Variants in RNF145 observed in about 807,000 individuals in gnomAD.
RNF145 encodes ring finger protein 145.
In RNF145, 12 loss-of-function variants were observed where a neutral mutation model predicts 57.3. The observed-to-expected ratio is 0.21, with a 90% CI of 0.13 to 0.34. The LOEUF is 0.34. RNF145 is among the 10% of genes least tolerant of loss of function. The pLI, the probability that RNF145 is intolerant of heterozygous loss-of-function variation, is 1.00. For synonymous variants in RNF145, 262 were observed against 288.3 expected, an observed-to-expected ratio of 0.91 and a Z score of 0.92; for missense variants, 429 against 799.0, an observed-to-expected ratio of 0.54 and a Z score of 5.58.
intron 9 of RNF145, among the ~76,000 whole-genome samples, chr5:159,162,425 CTTTT>C (rs201178143): frequency 7.4e-6 from 1 of 134,574 alleles, no homozygotes. Flanking sequence ...GTAATATTTT[CTTTT>C]TTTTTTTTTT....
At chr5:159,173,791 T>G (rs1229425397) in intron 6 of RNF145, among the ~76,000 whole-genome samples, 192 bp downstream of exon 6, 1 of 152,190 alleles carries the variant, frequency 6.6e-6, no homozygotes, top group Non-Finnish European at 1.5e-5. Flanking sequence ...TGCAGCCAAA[T>G]AAACCACATT....
chr5:159,194,148 C>T (rs111561711), intron 3 of RNF145, among the ~76,000 whole-genome samples: 2 of 152,220 alleles, frequency 1.3e-5, no homozygotes, highest in African/African-American at 2.4e-5. Context: ...CAATCATTCA[C>T]TCCACATGGC....
intron 9 of RNF145, among the ~76,000 whole-genome samples, chr5:159,162,344 C>T (rs763832593): frequency 5.0e-4 from 76 of 151,844 alleles, no homozygotes; most frequent in Non-Finnish European, 8.4e-4. Flanking sequence ...CTGTATCATA[C>T]CATTTTGAAA....
intron 5 of RNF145, 53 bp downstream of exon 5, chr5:159,176,579 T>G (rs1784727404): frequency 9.6e-7 from 1 of 1,044,612 alleles, no homozygotes. Context: ...TTTAATGTAC[T>G]TAACATTTAT....
At position 159,158,905 on chromosome 5, in the gene RNF145, C is replaced by T. The variant is rs746423990; in HGVS notation, c.1757G>A (p.Gly586Glu). ...CHLKNSSQLP[G>E]LGTEPVLQPH... The stretch of plus-strand genomic sequence containing the variant: ...CTGTAGAACTGGCTCAGTTCCTAAT[C>T]CTGGAAGCTGGGAGGAGTTTTTCAG... Residue 586 changes from glycine (G) to glutamate (E), a missense_variant, in exon 11 of 11, where the codon GGA (glycine) becomes GAA (glutamate). Around this residue, in one of 4 missense-constraint regions of RNF145, gnomAD observed 102 missense variants for 106.2 expected, o/e 0.96. Transcript: ENST00000424310. 1 of 1,613,888 alleles carries T rather than the reference C, an allele frequency of 6.2e-7. No homozygotes were observed. The highest frequency in any genetic ancestry group is 8.5e-7 in the Non-Finnish European group (1 of 1,179,866).
intron 3 of RNF145, among the ~76,000 whole-genome samples, chr5:159,187,501 G>T (rs1584693097): frequency 6.6e-6 from 1 of 151,736 alleles, no homozygotes; most frequent in South Asian, 2.1e-4. Flanking sequence ...CTAATTTTTT[G>T]TATTTTTAGT....
chr5:159,209,028 G>C (rs1786008307), intron 1 of RNF145, among the ~76,000 whole-genome samples: 1 of 151,644 alleles, frequency 6.6e-6, no homozygotes, highest in African/African-American at 2.4e-5. Context: ...CTAGAGGATG[G>C]GAGGGAGGGG....
chr5:159,202,937 A>AT (rs1327885039), intron 2 of RNF145, among the ~76,000 whole-genome samples: 19 of 151,896 alleles, frequency 1.3e-4, no homozygotes, highest in African/African-American at 4.3e-4. Context: ...AAAAAAAATT[A>AT]TAGTTCCAGG....
intron 3 of RNF145, among the ~76,000 whole-genome samples, chr5:159,193,640 C>T (rs928110804): frequency 1.3e-5 from 2 of 152,016 alleles, no homozygotes; most frequent in Non-Finnish European, 2.9e-5. Context: ...TAATTTCAAA[C>T]GATTATTAAA....
At chr5:159,175,345 T>C (rs1784684883) in intron 5 of RNF145, among the ~76,000 whole-genome samples, 1 of 152,140 alleles carries the variant, frequency 6.6e-6, no homozygotes. Context: ...ATCTGATTCT[T>C]TCCTGGTCAC....
chr5:159,168,963 A>C lies in RNF145; in HGVS notation c.1031T>G (p.Ile344Ser). Residue 344 changes from isoleucine to serine, a missense_variant, in exon 8 of 11, where the codon ATT (isoleucine) becomes AGT (serine). By Grantham distance (142) the Ile-to-Ser change is moderately radical. Coordinates refer to ENST00000424310, the MANE Select transcript of RNF145 (RefSeq NM_001199383.2). Reference protein sequence around the residue: ...QVVHRAFLLSIILFIVVASIL... With the variant: ...QVVHRAFLLSSILFIVVASIL... ...AGAAGCTACGACAATGAAAAGGATA[A>C]TACTGAGCAAGAATGCCCGATGAAC... is the stretch of plus-strand genomic sequence containing the variant. The C allele has an allele frequency of 1.9e-6, 3 of 1,610,880 alleles. No individual in the cohort carries two copies. The highest frequency in any genetic ancestry group is 2.5e-6 in the Non-Finnish European group (3 of 1,179,284).
intron 5 of RNF145, among the ~76,000 whole-genome samples, chr5:159,174,481 C>T (rs1356007497): frequency 2.0e-5 from 3 of 152,058 alleles, no homozygotes; most frequent in Non-Finnish European, 4.4e-5. Context: ...ACTTGGTAAA[C>T]ACTCATGTCT....
chr5:159,176,584 A>G, intron 5 of RNF145, 48 bp downstream of exon 5: 1 of 1,081,446 alleles, frequency 9.2e-7, no homozygotes, highest in Non-Finnish European at 1.4e-6. Context: ...TGTACTTAAC[A>G]TTTATGTAGA....
intron 1 of RNF145, among the ~76,000 whole-genome samples, chr5:159,208,761 C>G (rs1457712645): frequency 6.6e-6 from 1 of 151,470 alleles, no homozygotes; most frequent in East Asian, 1.9e-4. Flanking sequence ...GAAATGGAAA[C>G]GAGAAAGGGA....
At position 159,209,451 on chromosome 5, in the gene RNF145, GT is replaced by G. The variant is rs1786026550; in HGVS notation, c.-261del. 1.0e-6 allele frequency: 1 copy of G among 982,512 alleles called. No individual in the cohort carries two copies. Among genetic ancestry groups the G allele is most frequent in the South Asian group, 4.5e-5 (1 of 22,028 alleles). The allele number at this position is 982,512 out of a possible 1,614,324, so 60.9% of individuals were successfully genotyped here. A position where few individuals can be genotyped will look rare whatever the true frequency, so the allele number is the denominator to read the frequency against. On this transcript the variant is annotated 5_prime_UTR_variant, in exon 1 of 11. Transcript: ENST00000424310. ...CGGCCCGGCCCGTACGGTCACCATCGTCCGCGGCAGCAGGCGCTCGCGGGCC... is the reference window on the plus strand; with the variant it reads ...CGGCCCGGCCCGTACGGTCACCATCGCCGCGGCAGCAGGCGCTCGCGGGCC...
At chr5:159,192,482 T>C (rs758536650) in intron 3 of RNF145, among the ~76,000 whole-genome samples, 21 of 152,176 alleles carry the variant, frequency 1.4e-4, no homozygotes, top group Non-Finnish European at 2.8e-4. Context: ...TTTTCTTAAT[T>C]AATCAACAAA....
At chr5:159,166,930 C>T (rs1359768532) in intron 8 of RNF145, among the ~76,000 whole-genome samples, 2 of 151,966 alleles carry the variant, frequency 1.3e-5, no homozygotes, top group African/African-American at 4.8e-5. Context: ...TCGAGTCCAG[C>T]CTGGGCAACA....
intron 6 of RNF145, 24 bp downstream of exon 6, chr5:159,173,959 G>A: frequency 6.5e-7 from 1 of 1,549,674 alleles, no homozygotes. Flanking sequence ...GTTATATATA[G>A]TATCATAGGC....
chr5:159,191,184 T>C (rs1038311342), intron 3 of RNF145, among the ~76,000 whole-genome samples: 3 of 151,872 alleles, frequency 2.0e-5, no homozygotes, highest in Admixed American at 1.3e-4. Context: ...AGCCCAGGAG[T>C]TGGACAAGCT....
Sources: gnomAD v4.1 joint callset for allele counts (sites outside exome capture counted in the v4.1 genomes callset) on GRCh38, gnomAD v4.1.1 for gene constraint, gnomAD v4.1.1 regional missense constraint, MANE v1.5 for transcripts, NCBI Gene and HGNC (gene_info 2026-07-23, HGNC 2026-07-21) for gene names.